The following TRIM26 variants were observed in gnomAD, a reference collection of about 807,000 sequenced individuals.
TRIM26 encodes tripartite motif containing 26, also known as tripartite motif-containing protein 26.
TRIM26 carries 16 observed loss-of-function variants against 45.5 expected under a neutral mutation model. That is an observed-to-expected ratio of 0.35 (90% CI 0.24 to 0.53). TRIM26 has a LOEUF of 0.53. Among genes scored for constraint, TRIM26 ranks in the 20% least tolerant of loss-of-function variants. The pLI is 0.92. For missense variants in TRIM26, 442 were observed against 691.1 expected, an observed-to-expected ratio of 0.64 and a Z score of 4.04; for synonymous variants, 273 against 290.4, an observed-to-expected ratio of 0.94 and a Z score of 0.61.
At chr6:30,212,180 A>G (rs555604805) in intron 1 of TRIM26, among the ~76,000 whole-genome samples, 12 of 152,340 alleles carry the variant, frequency 7.9e-5, no homozygotes, top group African/African-American at 2.9e-4. Flanking sequence ...GGAGAAAAAC[A>G]TCAAATTCCA....
In TRIM26 at chr6:30,196,626, C is replaced by T; in HGVS notation, c.655G>A (p.Glu219Lys). Residue 219 changes from glutamate to lysine, a missense_variant, in exon 6 of 10, where the codon GAG becomes AAG. Transcript: ENST00000454678. This position sits in a 1 kb window ranked among gnomAD's most constrained non-coding sequence, Gnocchi z 4.9. ...QLAKLEQELT[E>K]GREKFKSRGV... ...CGGCTCTTGAACTTCTCCCTGCCCTCCGTGAGCTCCTGCTCCAGCTTCGCC... is the reference window on the plus strand; with the variant it reads ...CGGCTCTTGAACTTCTCCCTGCCCTTCGTGAGCTCCTGCTCCAGCTTCGCC... 3.7e-6 allele frequency: 6 copies of T among 1,614,144 alleles called. No individual in the cohort carries two copies. Among genetic ancestry groups the T allele is most frequent in the Non-Finnish European group, 5.1e-6 (6 of 1,180,046 alleles).
chr6:30,205,102 G>A (rs746889372), intron 1 of TRIM26, among the ~76,000 whole-genome samples: 27 of 152,098 alleles, frequency 1.8e-4, no homozygotes, highest in Non-Finnish European at 3.4e-4. Context: ...TTAGCCAGGT[G>A]TGGTGGCGCA....
At chr6:30,210,963 G>A (rs926066121) in intron 1 of TRIM26, among the ~76,000 whole-genome samples, 14 of 152,158 alleles carry the variant, frequency 9.2e-5, no homozygotes, top group Admixed American at 5.2e-4. Flanking sequence ...ACTAAGCTAT[G>A]GATAAGTGGC....
rs1393065130 is a variant in TRIM26 at position 30,185,409 on chromosome 6, A to T, written c.*467T>A. On this transcript the variant is annotated 3_prime_UTR_variant, in exon 10 of 10. Coordinates refer to ENST00000454678, the MANE Select transcript of TRIM26 (RefSeq NM_003449.5). The surrounding 1 kb of genome is among the most constrained non-coding windows in gnomAD (Gnocchi z 5.7). ...GCTTAACTCTGAGTTGGGGTGGGGTAGGTCTGTTTAAAATGCCAGGGAAGG... is the reference window on the plus strand; with the variant it reads ...GCTTAACTCTGAGTTGGGGTGGGGTTGGTCTGTTTAAAATGCCAGGGAAGG... 6.0e-6 allele frequency: 1 copy of T among 167,904 alleles called. No individual in the cohort carries two copies. The highest frequency in any genetic ancestry group is 1.3e-5 in the Non-Finnish European group (1 of 79,322). The allele number at this position is 167,904 out of a possible 1,614,324, so 10.4% of individuals were successfully genotyped here.
At position 30,189,785 on chromosome 6, in the gene TRIM26, A is replaced by G. The variant is rs1015044241; in HGVS notation, c.788+228T>C. 340 of 642,204 alleles carry G rather than the reference A, an allele frequency of 5.3e-4. 3 individuals are homozygous for G. The highest frequency in any genetic ancestry group is 6.7e-5 in the Non-Finnish European group (25 of 374,158). The allele number at this position is 642,204 out of a possible 1,614,324, so 39.8% of individuals were successfully genotyped here. On this transcript the variant is annotated intron_variant, in intron 7 of 9. Coordinates refer to ENST00000454678, the MANE Select transcript of TRIM26 (RefSeq NM_003449.5). This position sits in a 1 kb window ranked among gnomAD's most constrained non-coding sequence, Gnocchi z 5.0. Reference sequence around the variant, plus strand: ...TCTCTGCTCTGTCCCACCTCAAATAAGGCCAGTGGGCCAAGGAGCTGGGGC... The same window carrying G: ...TCTCTGCTCTGTCCCACCTCAAATAGGGCCAGTGGGCCAAGGAGCTGGGGC...
chr6:30,185,607 A>C lies in TRIM26; in HGVS notation c.*269T>G. On this transcript the variant is annotated 3_prime_UTR_variant, in exon 10 of 10. Coordinates refer to ENST00000454678, the MANE Select transcript of TRIM26 (RefSeq NM_003449.5). The surrounding 1 kb of genome is among the most constrained non-coding windows in gnomAD (Gnocchi z 5.7). The stretch of plus-strand genomic sequence containing the variant: ...AGCTGGGGCCAAGGTCGTGGTCAAA[A>C]AGGAAAGGAGCCCTCATGGACTCCA... 2.0e-6 allele frequency: 1 copy of C among 512,760 alleles called. No homozygotes were observed. The highest frequency in any genetic ancestry group is 3.4e-6 in the Non-Finnish European group (1 of 291,890). The allele number at this position is 512,760 out of a possible 1,614,324, so 31.8% of individuals were successfully genotyped here. A position where few individuals can be genotyped will look rare whatever the true frequency, so the allele number is the denominator to read the frequency against.
In TRIM26 at chr6:30,189,335, G is replaced by A. The variant is rs766608386; in HGVS notation, c.904+83C>T. On this transcript the variant is annotated intron_variant, in intron 8 of 9. Transcript: ENST00000454678. The surrounding 1 kb of genome is among the most constrained non-coding windows in gnomAD (Gnocchi z 5.0). ...CCTCAGAAGAGTGAGGATCGACAAG[G>A]TGATGGAAAGGAGCTGGGTGCGCTC... 6 of 1,566,010 alleles carry A rather than the reference G, an allele frequency of 3.8e-6. No homozygotes were observed. Among genetic ancestry groups the A allele is most frequent in the Non-Finnish European group, 5.3e-6 (6 of 1,137,614 alleles).
chr6:30,189,795 G>A lies in TRIM26; in HGVS notation c.788+218C>T. On this transcript the variant is annotated intron_variant, in intron 7 of 9. Coordinates refer to ENST00000454678, the MANE Select transcript of TRIM26 (RefSeq NM_003449.5). This position sits in a 1 kb window ranked among gnomAD's most constrained non-coding sequence, Gnocchi z 5.0. Reference sequence around the variant, plus strand: ...GTCCCACCTCAAATAAGGCCAGTGGGCCAAGGAGCTGGGGCTACACAGAGA... The same window carrying A: ...GTCCCACCTCAAATAAGGCCAGTGGACCAAGGAGCTGGGGCTACACAGAGA... 1.5e-6 allele frequency: 1 copy of A among 649,674 alleles called. No homozygotes were observed. The highest frequency in any genetic ancestry group is 2.9e-5 in the Admixed American group (1 of 34,142). The allele number at this position is 649,674 out of a possible 1,614,324, so 40.2% of individuals were successfully genotyped here.
chr6:30,187,512 T>A, intron 9 of TRIM26: 1 of 525,314 alleles, frequency 1.9e-6, no homozygotes, highest in Non-Finnish European at 3.9e-6. Context: ...TGCAGCTTGA[T>A]CTTTAATGTC....
At chr6:30,212,406 G>T (rs915223041) in intron 1 of TRIM26, among the ~76,000 whole-genome samples, 8 of 152,298 alleles carry the variant, frequency 5.3e-5, no homozygotes, top group South Asian at 2.1e-4. Context: ...CAATAATAAT[G>T]TATTGATATT....
intron 3 of TRIM26, 35 bp from the exon 4 acceptor site, chr6:30,199,299 C>T (rs1776853428): frequency 2.0e-6 from 1 of 512,786 alleles, no homozygotes; most frequent in East Asian, 3.0e-5. Flanking sequence ...GAGAAGAGGA[C>T]CTTATAGATC....
chr6:30,186,066 T>C lies in TRIM26; in HGVS notation c.1430A>G (p.Glu477Gly). ...CCGCAGTGCTGGGAAAAGCTCAGCC[T>C]CGGGGCTGGTGTTGGCCCAGATGCC... ...SSGIWANTSP[E>G]AELFPALRPR... The change falls in exon 10 of 10, where the codon GAG becomes GGG. Residue 477 changes from glutamate (E) to glycine (G), a missense_variant. Physicochemically the swap from Glu to Gly is moderately conservative, Grantham distance 98. Transcript: ENST00000454678. The surrounding 1 kb of genome is among the most constrained non-coding windows in gnomAD (Gnocchi z 7.4). The C allele has an allele frequency of 6.3e-7, 1 of 1,597,978 alleles. No individual in the cohort carries two copies. The highest frequency in any genetic ancestry group is 8.5e-7 in the Non-Finnish European group (1 of 1,172,510).
chr6:30,197,814 A>G (rs1776647369), intron 5 of TRIM26, among the ~76,000 whole-genome samples: 1 of 152,218 alleles, frequency 6.6e-6, no homozygotes, highest in African/African-American at 2.4e-5. Context: ...AAATCTGTAC[A>G]TGTTCAGTAG....
At chr6:30,188,276 C>T (rs1581651873) in intron 9 of TRIM26, 1 of 387,850 alleles carries the variant, frequency 2.6e-6, no homozygotes, top group Non-Finnish European at 4.5e-6. Flanking sequence ...CTGAGTTCCA[C>T]AAGTTCTTGC....
chr6:30,211,078 C>G (rs923757508), intron 1 of TRIM26, among the ~76,000 whole-genome samples: 10 of 152,142 alleles, frequency 6.6e-5, no homozygotes, highest in African/African-American at 2.4e-4. Flanking sequence ...AGTAGGGGGT[C>G]TGCAAATGTT....
chr6:30,196,580 C>T lies in TRIM26; in HGVS notation c.701G>A (p.Arg234Gln), dbSNP rs141928617. ...FKSRGVGELA[R>Q]LALVISELEG... Reference sequence around the variant, plus strand: ...CAGTTCGGAGATGACCAGGGCCAGCCGGGCAAGCTCCCCGACGCCCCGGCT... The same window carrying T: ...CAGTTCGGAGATGACCAGGGCCAGCTGGGCAAGCTCCCCGACGCCCCGGCT... The change falls in exon 6 of 10, where the codon CGG becomes CAG. Residue 234 changes from arginine to glutamine, a missense_variant. Transcript: ENST00000454678. This position sits in a 1 kb window ranked among gnomAD's most constrained non-coding sequence, Gnocchi z 4.9. 1.6e-5 allele frequency: 25 copies of T among 1,612,726 alleles called. No homozygotes were observed. In the African/African-American group the frequency reaches 1.6e-4, roughly 10 times the overall value.
Position 30,198,413 on chromosome 6 carries a change from A to C in TRIM26, c.534+16T>G. On this transcript the variant is annotated intron_variant, in intron 5 of 9. Coordinates refer to ENST00000454678, the MANE Select transcript of TRIM26 (RefSeq NM_003449.5). This position sits in a 1 kb window ranked among gnomAD's most constrained non-coding sequence, Gnocchi z 6.3. ...GGGCGCACCGCCTCAGGGCTTCCTGAAACAGCCTCACTTACCAGCGCGGCC... is the reference window on the plus strand; with the variant it reads ...GGGCGCACCGCCTCAGGGCTTCCTGCAACAGCCTCACTTACCAGCGCGGCC... 1 of 1,612,830 alleles carries C rather than the reference A, an allele frequency of 6.2e-7. No homozygotes were observed. The highest frequency in any genetic ancestry group is 8.5e-7 in the Non-Finnish European group (1 of 1,180,008).
intron 6 of TRIM26, among the ~76,000 whole-genome samples, chr6:30,193,885 G>T (rs1225214481): frequency 6.6e-6 from 1 of 152,054 alleles, no homozygotes; most frequent in Non-Finnish European, 1.5e-5. Context: ...TTTGTTATTG[G>T]TGTATTAAAA....
rs35809533 is a variant in TRIM26, at chr6:30,208,515, CTTT to C, written c.-375-3753_-375-3751del. On this transcript the variant is annotated intron_variant, in intron 1 of 9. Coordinates refer to ENST00000454678, the MANE Select transcript of TRIM26 (RefSeq NM_003449.5). The stretch of plus-strand genomic sequence containing the variant: ...GCCTCAAATGAATGGAATTTTTTTC[CTTT>C]TTTTTTTTTTTTTTTCCATGTATTT... 2.8e-3 allele frequency among the ~76,000 whole-genome samples: 357 copies of C among 128,192 alleles called. 2 individuals are homozygous for C. The highest frequency in any genetic ancestry group is 6.1e-3 in the African/African-American group (207 of 33,720). 84.1% of individuals were successfully genotyped at this position (128,192 alleles called of 152,430 possible). A position where few individuals can be genotyped will look rare whatever the true frequency, so the allele number is the denominator to read the frequency against.
Sources: allele counts gnomAD v4.1 joint callset (sites outside exome capture counted in the v4.1 genomes callset), GRCh38; gene constraint gnomAD v4.1.1; non-coding constraint Gnocchi (gnomAD v3.1); transcripts MANE v1.5; gene names NCBI Gene and HGNC (gene_info 2026-07-23, HGNC 2026-07-21).